The following ACSM1 variants were observed in gnomAD, a reference collection of about 807,000 sequenced individuals.
ACSM1 encodes acyl-CoA synthetase medium chain family member 1, also known as acyl-coenzyme A synthetase ACSM1, mitochondrial.
Under a neutral mutation model 75.8 loss-of-function variants are expected in ACSM1, and 79 were observed. The observed-to-expected ratio is 1.04, with a 90% confidence interval of 0.87 to 1.26. The LOEUF (loss-of-function observed/expected upper bound fraction) is 1.26, where lower values mean the gene tolerates loss of function less well. Ranked by LOEUF, ACSM1 falls within the 50% of genes most tolerant of loss-of-function variation. ACSM1 has a pLI of 0.00. For missense variants in ACSM1, 676 were observed against 720.1 expected (o/e 0.94, Z 0.70); for synonymous variants, 279 against 265.8 (o/e 1.05, Z -0.48).
chr16:20,696,072 A>C (rs931239826), intron 1 of ACSM1, among the ~76,000 whole-genome samples: 1 of 152,198 alleles, frequency 6.6e-6, no homozygotes, highest in African/African-American at 2.4e-5. Context: ...TACAGTATTT[A>C]ATACAGCAAC....
chr16:20,671,456 C>A, intron 5 of ACSM1, 75 bp downstream of exon 5: 1 of 1,330,442 alleles, frequency 7.5e-7, no homozygotes, highest in Admixed American at 2.3e-5. Context: ...CACACACACA[C>A]ACACACACAC....
At chr16:20,677,719 A>G (rs1166228640) in intron 4 of ACSM1, among the ~76,000 whole-genome samples, 1 of 152,218 alleles carries the variant, frequency 6.6e-6, no homozygotes, top group East Asian at 1.9e-4. Context: ...GTAGAGGTGC[A>G]GTCTTTGCCT....
chr16:20,625,467 C>T lies in ACSM1; in HGVS notation c.1483G>A (p.Ala495Thr). Reference protein sequence around the residue: ...ESALVEHPAVAESAVVGSPDP... With the variant: ...ESALVEHPAVTESAVVGSPDP... Reference sequence around the variant, plus strand: ...GGGCTGCCCACCACGGCTGACTCCGCCACCGCTGGGTGCTCCACCAAAGCG... The same window carrying T: ...GGGCTGCCCACCACGGCTGACTCCGTCACCGCTGGGTGCTCCACCAAAGCG... The change falls in exon 12 of 14, where the codon GCG becomes ACG. Residue 495 changes from alanine (A) to threonine (T), a missense_variant. Physicochemically the swap from Ala to Thr is moderately conservative, Grantham distance 58. Transcript: ENST00000520010. 1.2e-6 allele frequency: 2 copies of T among 1,614,168 alleles called. No homozygotes were observed. The highest frequency in any genetic ancestry group is 1.7e-6 in the Non-Finnish European group (2 of 1,180,034).
chr16:20,687,825 T>G (rs2079580089), intron 2 of ACSM1, among the ~76,000 whole-genome samples: 1 of 152,146 alleles, frequency 6.6e-6, no homozygotes, highest in South Asian at 2.1e-4. Flanking sequence ...GGCTCATGCC[T>G]GTAAACCCAG....
chr16:20,629,809 T>C (rs1023861215), intron 10 of ACSM1, among the ~76,000 whole-genome samples: 1 of 151,976 alleles, frequency 6.6e-6, no homozygotes, highest in Non-Finnish European at 1.5e-5. Flanking sequence ...CTGGCCAACA[T>C]GGTGAAACCC....
chr16:20,669,790 TGGAA>T lies in ACSM1; in HGVS notation c.912+33_912+36del, dbSNP rs1325945099. The T allele has an allele frequency of 4.4e-6, 7 of 1,600,060 alleles. No homozygotes were observed. The Admixed American group carries it at 5.2e-5, about 12-fold the overall frequency. On this transcript the variant is annotated intron_variant, in intron 6 of 13. Coordinates refer to ENST00000520010, the MANE Select transcript of ACSM1 (RefSeq NM_001318890.3). ...GGTCCAGGAAACATGGATTTTTTTC[TGGAA>T]TTTTGCTGATAGGGGAAGGTGAGTC...
At chr16:20,653,350 G>A (rs1356117790) in intron 7 of ACSM1, among the ~76,000 whole-genome samples, 1 of 152,164 alleles carries the variant, frequency 6.6e-6, no homozygotes, top group African/African-American at 2.4e-5. Context: ...GCACAAGACA[G>A]GGATGCCCTC....
intron 7 of ACSM1, among the ~76,000 whole-genome samples, chr16:20,643,846 C>T (rs1350395565): frequency 6.6e-6 from 1 of 152,114 alleles, no homozygotes; most frequent in Admixed American, 6.5e-5. Flanking sequence ...TTTATCTAGA[C>T]ACAGAGCGCT....
chr16:20,690,700 C>T (rs62033285), intron 2 of ACSM1, among the ~76,000 whole-genome samples: 224 of 152,300 alleles, frequency 1.5e-3, no homozygotes, highest in Non-Finnish European at 2.8e-3. Flanking sequence ...GACCTTGTGA[C>T]TAGAACTTTG....
intron 10 of ACSM1, among the ~76,000 whole-genome samples, chr16:20,631,514 C>T (rs987905954): frequency 3.7e-4 from 56 of 152,320 alleles, no homozygotes; most frequent in African/African-American, 1.3e-3. Flanking sequence ...AATCCCACTA[C>T]TGCGTATCTA....
chr16:20,651,991 T>A (rs1471350093), intron 7 of ACSM1, among the ~76,000 whole-genome samples: 2 of 152,188 alleles, frequency 1.3e-5, no homozygotes, highest in Non-Finnish European at 2.9e-5. Context: ...GATCTTTGAT[T>A]GTATATGCTT....
intron 10 of ACSM1, among the ~76,000 whole-genome samples, chr16:20,631,558 C>T (rs1567246696): frequency 6.6e-6 from 1 of 152,194 alleles, no homozygotes; most frequent in African/African-American, 2.4e-5. Flanking sequence ...ATGAAAAAGA[C>T]ATATGCACAT....
chr16:20,686,092 T>C (rs973327471), intron 2 of ACSM1, among the ~76,000 whole-genome samples: 1 of 152,130 alleles, frequency 6.6e-6, no homozygotes, highest in Non-Finnish European at 1.5e-5. Context: ...AAAGTTTAAA[T>C]AAGTTATTTA....
intron 1 of ACSM1, among the ~76,000 whole-genome samples, chr16:20,694,490 C>A (rs1055786935): frequency 3.3e-5 from 5 of 152,230 alleles, no homozygotes; most frequent in Non-Finnish European, 1.5e-5. Context: ...CCAACACACA[C>A]CTCCTTCCAC....
intron 6 of ACSM1, among the ~76,000 whole-genome samples, chr16:20,666,255 C>T (rs2019561742): frequency 6.6e-6 from 1 of 152,112 alleles, no homozygotes; most frequent in Non-Finnish European, 1.5e-5. Flanking sequence ...CAAAGGGTTC[C>T]TGGAACGGAT....
intron 11 of ACSM1, among the ~76,000 whole-genome samples, chr16:20,626,541 A>G (rs1343487675): frequency 6.6e-6 from 1 of 151,948 alleles, no homozygotes; most frequent in African/African-American, 2.4e-5. Flanking sequence ...TTGAATCTTT[A>G]GGCAAATTTC....
Position 20,648,355 on chromosome 16 carries a change from C to A in ACSM1, c.993-7771G>T, listed in dbSNP as rs2018470184. Among the ~76,000 whole-genome samples the A allele has an allele frequency of 6.6e-6, 1 of 152,136 alleles. No individual in the cohort carries two copies. The highest frequency in any genetic ancestry group is 2.1e-4 in the South Asian group (1 of 4,830). ...ATTTACCAACATAACCTGTTTCTGG[C>A]CATGCTCTCAGTCTGCATTCTTTAC... On this transcript the variant is annotated intron_variant, in intron 7 of 13. Coordinates refer to ENST00000520010, the MANE Select transcript of ACSM1 (RefSeq NM_001318890.3). This position sits in a 1 kb window ranked among gnomAD's most constrained non-coding sequence, Gnocchi z 4.2.
intron 7 of ACSM1, among the ~76,000 whole-genome samples, chr16:20,658,323 C>T (rs541592991): frequency 2.6e-5 from 4 of 152,278 alleles, no homozygotes; most frequent in African/African-American, 9.6e-5. Flanking sequence ...GATGGTATTT[C>T]ATTGTGGTTT....
At chr16:20,688,221 C>T (rs1424695077) in intron 2 of ACSM1, among the ~76,000 whole-genome samples, 1 of 151,814 alleles carries the variant, frequency 6.6e-6, no homozygotes, top group Non-Finnish European at 1.5e-5. Context: ...AATCCATAAA[C>T]ATAGACAGGT....
Sources: allele counts gnomAD v4.1 joint callset (sites outside exome capture counted in the v4.1 genomes callset), GRCh38; gene constraint gnomAD v4.1.1; non-coding constraint Gnocchi (gnomAD v3.1); transcripts MANE v1.5; gene names NCBI Gene and HGNC (gene_info 2026-07-23, HGNC 2026-07-21).